ADGRG7: variants seen among roughly 807,000 people sequenced by gnomAD.
ADGRG7 encodes the protein G-protein coupled receptor 128.
A neutral mutation model predicts 88.6 loss-of-function variants in ADGRG7; 82 were observed. That is an observed-to-expected ratio of 0.93 (90% CI 0.77 to 1.11). The LOEUF (loss-of-function observed/expected upper bound fraction) is 1.11. Among genes scored for constraint, ADGRG7 ranks in the 50% most tolerant of loss-of-function variants. The probability of loss-of-function intolerance (pLI) is 0.00; values close to 1 mark genes in which losing one functional copy is unlikely to be tolerated. For missense variants in ADGRG7, 945 were observed against 953.4 expected, an observed-to-expected ratio of 0.99 and a Z score of 0.12; for synonymous variants, 381 against 345.2, an observed-to-expected ratio of 1.10 and a Z score of -1.15.
intron 2 of ADGRG7, among the ~76,000 whole-genome samples, chr3:100,630,138 T>G (rs1363049700): frequency 2.0e-5 from 3 of 152,304 alleles, no homozygotes; most frequent in Non-Finnish European, 4.4e-5. Flanking sequence ...TTATCTTTTC[T>G]TCCTCTACCT....
At chr3:100,693,667 C>A (rs1269755493) in intron 15 of ADGRG7, among the ~76,000 whole-genome samples, 4 of 152,116 alleles carry the variant, frequency 2.6e-5, no homozygotes, top group Non-Finnish European at 5.9e-5. Context: ...TTTAAAAATA[C>A]CTTTTCATTT....
chr3:100,648,266 A>G (rs60514664), intron 10 of ADGRG7, among the ~76,000 whole-genome samples: 2,311 of 152,104 alleles, frequency 0.015, 49 homozygotes, highest in African/African-American at 0.052. Context: ...TACATTTGTA[A>G]TTAGTTTTGG....
intron 6 of ADGRG7, 61 bp from the exon 7 acceptor site, chr3:100,643,205 A>G: frequency 6.8e-7 from 1 of 1,480,702 alleles, no homozygotes; most frequent in South Asian, 1.2e-5. Context: ...GTAAGACAGA[A>G]CACATACCTT....
At chr3:100,646,821 C>T in intron 10 of ADGRG7, 97 bp downstream of exon 10, 2 of 996,738 alleles carry the variant, frequency 2.0e-6, no homozygotes, top group Non-Finnish European at 3.0e-6. Flanking sequence ...ATTTAATTTA[C>T]ATAGATTCTC....
At chr3:100,629,531 C>T (rs1233169867) in intron 1 of ADGRG7, 67 bp from the exon 2 acceptor site, 6 of 1,071,040 alleles carry the variant, frequency 5.6e-6, no homozygotes, top group South Asian at 1.3e-5. Context: ...AATTAAGTGG[C>T]CACAGGCATG....
rs535753518 is a variant in ADGRG7, at chr3:100,656,049, T to C, written c.1823+54T>C. 4 of 1,053,472 alleles carry C rather than the reference T, an allele frequency of 3.8e-6. No homozygotes were observed. The African/African-American group carries it at 6.2e-5, about 16-fold the overall frequency. The allele number at this position is 1,053,472 out of a possible 1,614,324, so 65.3% of individuals were successfully genotyped here. On this transcript the variant is annotated intron_variant, in intron 13 of 15. Transcript: ENST00000273352. ...TTGTTTGACCTAAAAGTGTAACTGT[T>C]CAGTGATATTGACTCCGAGTGTCAC...
At chr3:100,679,606 A>G (rs1028537203) in intron 15 of ADGRG7, among the ~76,000 whole-genome samples, 1 of 152,222 alleles carries the variant, frequency 6.6e-6, no homozygotes, top group African/African-American at 2.4e-5. Flanking sequence ...ATTTCTGGGA[A>G]GTGAAAGAAA....
chr3:100,695,022 T>A lies in ADGRG7; in HGVS notation c.*21T>A. 6.2e-7 allele frequency: 1 copy of A among 1,601,416 alleles called. No homozygotes were observed. On this transcript the variant is annotated 3_prime_UTR_variant, in exon 16 of 16. Coordinates refer to ENST00000273352, the MANE Select transcript of ADGRG7 (RefSeq NM_032787.3). ...TCTAGACAGTAAAACTTACCTGTTG[T>A]GGTCTTTTTAATCACCTCGTTTGAG...
rs374182362 is a variant in ADGRG7 at position 100,620,446 on chromosome 3, A to G, written c.116-9152A>G. The stretch of plus-strand genomic sequence containing the variant: ...AGTTATCTATGACAAACCCACAGCT[A>G]ACATCATACTGAATGGGCAAAAACT... On this transcript the variant is annotated intron_variant, in intron 1 of 15. Transcript: ENST00000273352. Among the ~76,000 whole-genome samples, 3 of 152,182 alleles carry G rather than the reference A, an allele frequency of 2.0e-5. No individual in the cohort carries two copies. In the South Asian group the frequency reaches 6.2e-4, roughly 32 times the overall value.
intron 14 of ADGRG7, among the ~76,000 whole-genome samples, chr3:100,662,859 G>A (rs1432641838): frequency 8.8e-5 from 10 of 114,044 alleles, no homozygotes; most frequent in Admixed American, 8.4e-4. Flanking sequence ...AGTTATTATC[G>A]GGGGATGGCA....
intron 15 of ADGRG7, among the ~76,000 whole-genome samples, chr3:100,671,836 T>C (rs2094959019): frequency 6.6e-6 from 1 of 152,206 alleles, no homozygotes. Flanking sequence ...TGCTTGTGTG[T>C]GTCAGATTTG....
chr3:100,673,770 A>G (rs1420709461), intron 15 of ADGRG7, among the ~76,000 whole-genome samples: 2 of 151,810 alleles, frequency 1.3e-5, no homozygotes, highest in Non-Finnish European at 2.9e-5. Flanking sequence ...TTTCTTCTTT[A>G]TTATTCTGAG....
chr3:100,636,883 ACTAAGT>A (rs1005544855), intron 5 of ADGRG7, among the ~76,000 whole-genome samples: 11 of 152,336 alleles, frequency 7.2e-5, no homozygotes, highest in African/African-American at 2.4e-4. Flanking sequence ...AAATAATTTT[ACTAAGT>A]CTAACAGGTA....
At chr3:100,646,885 C>T (rs759849103) in intron 10 of ADGRG7, among the ~76,000 whole-genome samples, 161 bp downstream of exon 10, 4 of 152,104 alleles carry the variant, frequency 2.6e-5, no homozygotes, top group South Asian at 2.1e-4. Flanking sequence ...TAAGGCCGGG[C>T]GCGGTGGCTC....
chr3:100,674,406 A>G (rs1471186032), intron 15 of ADGRG7, among the ~76,000 whole-genome samples: 4 of 151,946 alleles, frequency 2.6e-5, no homozygotes, highest in Non-Finnish European at 2.9e-5. Flanking sequence ...TAAAATATTG[A>G]TTTTCCAATC....
At chr3:100,669,305 G>C (rs1145336) in intron 15 of ADGRG7, among the ~76,000 whole-genome samples, 200 bp downstream of exon 15, 1 of 151,618 alleles carries the variant, frequency 6.6e-6, no homozygotes, top group Admixed American at 6.6e-5. Flanking sequence ...GATAACATGG[G>C]GAAACCCCAT....
In ADGRG7 at chr3:100,643,688, A is replaced by G. The variant is rs1707687441; in HGVS notation, c.946+55A>G. On this transcript the variant is annotated intron_variant, in intron 8 of 15. Coordinates refer to ENST00000273352, the MANE Select transcript of ADGRG7 (RefSeq NM_032787.3). ...AAATGGACTCGAATTCATGGAACTA[A>G]TAACTTCTAATTTACTCTAGGAGAA... 11 of 1,117,376 alleles carry G rather than the reference A, an allele frequency of 9.8e-6. No homozygotes were observed. In the Admixed American group the frequency reaches 2.0e-4, roughly 21 times the overall value. 69.2% of individuals were successfully genotyped at this position (1,117,376 alleles called of 1,614,324 possible). A position where few individuals can be genotyped will look rare whatever the true frequency, so the allele number is the denominator to read the frequency against.
intron 15 of ADGRG7, 55 bp downstream of exon 15, chr3:100,669,160 C>A: frequency 7.7e-7 from 1 of 1,303,424 alleles, no homozygotes; most frequent in Non-Finnish European, 1.0e-6. Flanking sequence ...GAGATATCAT[C>A]TTGATATCTT....
intron 14 of ADGRG7, among the ~76,000 whole-genome samples, chr3:100,667,484 T>C (rs148865760): frequency 2.0e-5 from 3 of 152,344 alleles, no homozygotes; most frequent in Middle Eastern, 3.4e-3. Flanking sequence ...GCTTCATCCA[T>C]GTCCATGCAA....
Sources: allele counts gnomAD v4.1 joint callset (sites outside exome capture counted in the v4.1 genomes callset), GRCh38; gene constraint gnomAD v4.1.1; transcripts MANE v1.5; gene names NCBI Gene and HGNC (gene_info 2026-07-23, HGNC 2026-07-21).